The following RIMS1 variants were observed in gnomAD, a reference collection of about 807,000 sequenced individuals.
The protein encoded by RIMS1 is regulating synaptic membrane exocytosis protein 1.
In RIMS1, 83 loss-of-function variants were observed where a neutral mutation model predicts 214.1. That is an observed-to-expected ratio of 0.39 (90% CI 0.32 to 0.47). RIMS1 has a LOEUF of 0.47. Ranked by LOEUF, RIMS1 falls within the 20% of genes least tolerant of loss-of-function variation. The pLI is 0.99. For synonymous variants in RIMS1, 793 were observed against 786.8 expected (o/e 1.01, Z -0.13); for missense variants, 2,050 against 2,161.8 (o/e 0.95, Z 1.03).
At chr6:72,248,909 A>T (rs1485830967) in intron 12 of RIMS1, among the ~76,000 whole-genome samples, 1 of 152,142 alleles carries the variant, frequency 6.6e-6, no homozygotes, top group East Asian at 1.9e-4. Flanking sequence ...TATCTTTGTA[A>T]TACCCTTTGG....
chr6:72,183,198 C>A (rs1191151809), intron 6 of RIMS1, 49 bp downstream of exon 6: 3 of 1,559,196 alleles, frequency 1.9e-6, no homozygotes, highest in South Asian at 2.4e-5. Flanking sequence ...AGTGAAGAGG[C>A]GTGGGCAGAG....
chr6:72,170,501 G>A (rs570587361), intron 4 of RIMS1, among the ~76,000 whole-genome samples: 1 of 151,974 alleles, frequency 6.6e-6, no homozygotes, highest in Non-Finnish European at 1.5e-5. Context: ...CCACCACCAC[G>A]CCTGGCTAAT....
At chr6:71,988,244 C>T (rs1381443009) in intron 2 of RIMS1, among the ~76,000 whole-genome samples, 2 of 152,038 alleles carry the variant, frequency 1.3e-5, no homozygotes, top group African/African-American at 4.8e-5. Context: ...TATCTAATTG[C>T]CCCAAAATTA....
intron 2 of RIMS1, among the ~76,000 whole-genome samples, chr6:72,042,417 TA>T (rs1192954825): frequency 6.6e-6 from 1 of 151,918 alleles, no homozygotes; most frequent in Non-Finnish European, 1.5e-5. Flanking sequence ...ATAAAACAGT[TA>T]TAAAAATTAG....
intron 4 of RIMS1, among the ~76,000 whole-genome samples, chr6:72,148,399 T>C (rs946655845): frequency 6.6e-6 from 1 of 152,084 alleles, no homozygotes; most frequent in Non-Finnish European, 1.5e-5. Flanking sequence ...AAAAAAGATG[T>C]CCCCATTTTC....
intron 6 of RIMS1, among the ~76,000 whole-genome samples, chr6:72,200,469 G>C (rs1270178069): frequency 6.6e-6 from 1 of 152,112 alleles, no homozygotes; most frequent in Admixed American, 6.6e-5. Flanking sequence ...TCAATGAAAG[G>C]CTTTCTGTAG....
intron 6 of RIMS1, among the ~76,000 whole-genome samples, chr6:72,230,607 A>G (rs2154076916): frequency 6.6e-6 from 1 of 151,660 alleles, no homozygotes; most frequent in African/African-American, 2.4e-5. Context: ...ATGATACACA[A>G]TTCTAAATTA....
chr6:72,252,985 T>C (rs1005979566), intron 16 of RIMS1, among the ~76,000 whole-genome samples, 153 bp downstream of exon 16: 2 of 152,170 alleles, frequency 1.3e-5, no homozygotes, highest in Admixed American at 1.3e-4. Flanking sequence ...TTTCAAATTA[T>C]TAAGAAAGTT....
At chr6:72,238,014 C>T (rs1393102424) in intron 9 of RIMS1, 92 bp downstream of exon 9, 4 of 659,264 alleles carry the variant, frequency 6.1e-6, no homozygotes, top group African/African-American at 1.8e-5. Flanking sequence ...TTTATATATA[C>T]ATACATACAT....
intron 6 of RIMS1, among the ~76,000 whole-genome samples, chr6:72,196,700 C>G (rs557850130): frequency 5.6e-4 from 83 of 148,766 alleles, no homozygotes; most frequent in African/African-American, 2.0e-3. Context: ...CCATAAAATA[C>G]TCATAAAAGT....
At chr6:72,355,810 C>A (rs2097612463) in intron 29 of RIMS1, among the ~76,000 whole-genome samples, 1 of 152,150 alleles carries the variant, frequency 6.6e-6, no homozygotes, top group Non-Finnish European at 1.5e-5. Context: ...TTATAACCAT[C>A]TTTCCTTCCT....
At chr6:72,246,350 T>C (rs1010071223) in intron 11 of RIMS1, among the ~76,000 whole-genome samples, 11 of 152,088 alleles carry the variant, frequency 7.2e-5, no homozygotes, top group Admixed American at 4.6e-4. Flanking sequence ...GGTCAAGAGA[T>C]TGTGAAACCA....
chr6:72,055,963 A>G (rs1216378503), intron 2 of RIMS1, among the ~76,000 whole-genome samples: 2 of 152,184 alleles, frequency 1.3e-5, no homozygotes, highest in African/African-American at 2.4e-5. Flanking sequence ...ACATGCATGC[A>G]TATGTTCATC....
intron 2 of RIMS1, among the ~76,000 whole-genome samples, chr6:72,066,913 C>G (rs1829440250): frequency 6.6e-6 from 1 of 152,092 alleles, no homozygotes; most frequent in African/African-American, 2.4e-5. Context: ...TCATTCATAC[C>G]TTCTAGCTGA....
chr6:71,904,407 G>A (rs1442947857), intron 1 of RIMS1, among the ~76,000 whole-genome samples: 1 of 152,134 alleles, frequency 6.6e-6, no homozygotes, highest in Admixed American at 6.6e-5. Flanking sequence ...GGAGTTCTGA[G>A]ACTAGCTGGA....
rs1488967100 is a variant in RIMS1, at chr6:72,095,164, A to T, written c.246-1785A>T. ...ATTTTTAGTAGAGGCGGGGTTTCAC[A>T]GTGTTAGCCAGGATTGTCTTGATCT... On this transcript the variant is annotated intron_variant, in intron 2 of 33. Transcript: ENST00000521978. Among the ~76,000 whole-genome samples, 158 of 132,920 alleles carry T rather than the reference A, an allele frequency of 1.2e-3. 1 individual carries two copies. The highest frequency in any genetic ancestry group is 4.0e-3 in the African/African-American group (139 of 35,128). 87.2% of individuals were successfully genotyped at this position (132,920 alleles called of 152,430 possible). A position where few individuals can be genotyped will look rare whatever the true frequency, so the allele number is the denominator to read the frequency against.
chr6:72,359,918 T>A (rs555874927), intron 29 of RIMS1, among the ~76,000 whole-genome samples: 4 of 152,284 alleles, frequency 2.6e-5, no homozygotes, highest in African/African-American at 9.6e-5. Context: ...TTTACCCAAC[T>A]CTCTGACAGC....
In RIMS1 at chr6:72,108,954, G is replaced by T. The variant is rs571858480; in HGVS notation, c.471+8968G>T. Among the ~76,000 whole-genome samples, 63 of 148,372 alleles carry T rather than the reference G, an allele frequency of 4.2e-4. No homozygotes were observed. The South Asian group carries it at 0.01, about 24-fold the overall frequency. ...CTATGAGTGAGAAAATGCAGTGTCTGGTTTTTTGTTCTTGCGATAGTTTAC... is the reference window on the plus strand; with the variant it reads ...CTATGAGTGAGAAAATGCAGTGTCTTGTTTTTTGTTCTTGCGATAGTTTAC... On this transcript the variant is annotated intron_variant, in intron 4 of 33. Transcript: ENST00000521978.
chr6:72,214,072 CACTT>C (rs2054623193), intron 6 of RIMS1, among the ~76,000 whole-genome samples: 1 of 152,110 alleles, frequency 6.6e-6, no homozygotes. Context: ...CAGTGAATAA[CACTT>C]ACTACTATGC....
Sources: allele counts gnomAD v4.1 joint callset (sites outside exome capture counted in the v4.1 genomes callset), GRCh38; gene constraint gnomAD v4.1.1; transcripts MANE v1.5; gene names NCBI Gene and HGNC (gene_info 2026-07-23, HGNC 2026-07-21).